Variants in MACROD2 observed in about 807,000 individuals in gnomAD.
MACROD2 encodes the protein mono-ADP ribosylhydrolase 2, also known as ADP-ribose glycohydrolase MACROD2.
MACROD2 carries 36 observed loss-of-function variants against 70.4 expected under a neutral mutation model. The observed-to-expected ratio is 0.51, with a 90% CI of 0.39 to 0.68. The LOEUF (loss-of-function observed/expected upper bound fraction) is 0.68, where lower values mean the gene tolerates loss of function less well. Ranked by LOEUF, MACROD2 falls within the 30% of genes least tolerant of loss-of-function variation. The pLI is 0.00. For missense variants in MACROD2, 496 were observed against 538.4 expected, an observed-to-expected ratio of 0.92 and a Z score of 0.78; for synonymous variants, 172 against 178.8, an observed-to-expected ratio of 0.96 and a Z score of 0.30.
intron 5 of MACROD2, among the ~76,000 whole-genome samples, chr20:14,945,977 G>C (rs1443212220): frequency 6.6e-6 from 1 of 152,242 alleles, no homozygotes; most frequent in South Asian, 2.1e-4. Flanking sequence ...GGAGGCCGAG[G>C]TGGGTGGATC....
At chr20:13,999,521 A>G (rs143878181) in intron 1 of MACROD2, among the ~76,000 whole-genome samples, 234 of 152,326 alleles carry the variant, frequency 1.5e-3, no homozygotes, top group Non-Finnish European at 2.9e-3. Flanking sequence ...GAGGTAGGAA[A>G]CTATATGAGG....
At chr20:15,338,630 C>T (rs564747176) in intron 6 of MACROD2, among the ~76,000 whole-genome samples, 44 of 151,738 alleles carry the variant, frequency 2.9e-4, no homozygotes, top group South Asian at 1.0e-3. Flanking sequence ...ATCTGAATAA[C>T]TCCATAAAGT....
chr20:15,591,002 A>T (rs2048672083), intron 8 of MACROD2, among the ~76,000 whole-genome samples: 1 of 152,106 alleles, frequency 6.6e-6, no homozygotes, highest in East Asian at 1.9e-4. Context: ...AGAGAGACAG[A>T]GAGAGAAAAA....
chr20:15,761,620 C>G (rs1258201292), intron 8 of MACROD2, among the ~76,000 whole-genome samples: 2 of 152,126 alleles, frequency 1.3e-5, no homozygotes, highest in African/African-American at 4.8e-5. Flanking sequence ...AAGCATGTCA[C>G]TGAACATGAA....
At chr20:14,874,703 T>G (rs970925665) in intron 5 of MACROD2, among the ~76,000 whole-genome samples, 1 of 150,992 alleles carries the variant, frequency 6.6e-6, no homozygotes, top group Non-Finnish European at 1.5e-5. Flanking sequence ...ATTTATTTAT[T>G]TATTTATTTA....
At chr20:15,947,589 A>G (rs1161902768) in intron 12 of MACROD2, among the ~76,000 whole-genome samples, 1 of 152,168 alleles carries the variant, frequency 6.6e-6, no homozygotes, top group Non-Finnish European at 1.5e-5. Context: ...GTACAGGTCA[A>G]AATGGAGTTT....
intron 5 of MACROD2, among the ~76,000 whole-genome samples, chr20:15,078,227 G>A (rs1350124819): frequency 6.6e-6 from 1 of 152,030 alleles, no homozygotes; most frequent in East Asian, 1.9e-4. Flanking sequence ...CGGCCAAAGA[G>A]CCCTGGAAGA....
chr20:15,704,829 G>A (rs2050510116), intron 8 of MACROD2, among the ~76,000 whole-genome samples: 2 of 152,204 alleles, frequency 1.3e-5, no homozygotes, highest in Admixed American at 6.5e-5. Context: ...TTGAAGTCAC[G>A]AATCACTCAA....
chr20:15,518,877 G>A (rs1056824848), intron 8 of MACROD2, among the ~76,000 whole-genome samples: 31 of 152,152 alleles, frequency 2.0e-4, no homozygotes, highest in Admixed American at 2.0e-3. Flanking sequence ...TTTCCAGTCT[G>A]TGGCTAATTA....
intron 3 of MACROD2, among the ~76,000 whole-genome samples, chr20:14,171,357 AT>A (rs1319716316): frequency 1.3e-5 from 2 of 151,854 alleles, no homozygotes; most frequent in Non-Finnish European, 2.9e-5. Flanking sequence ...CTGCTCTGAT[AT>A]TTGTTATTTC....
At chr20:15,412,276 A>T (rs1215504324) in intron 6 of MACROD2, among the ~76,000 whole-genome samples, 2 of 152,182 alleles carry the variant, frequency 1.3e-5, no homozygotes, top group Non-Finnish European at 2.9e-5. Flanking sequence ...AATTTTGCAT[A>T]TGCATTATTA....
intron 5 of MACROD2, among the ~76,000 whole-genome samples, chr20:14,933,541 G>A (rs1399524780): frequency 6.6e-6 from 1 of 151,788 alleles, no homozygotes; most frequent in Non-Finnish European, 1.5e-5. Flanking sequence ...GAGATGGGAA[G>A]ATCGCTTGAG....
intron 5 of MACROD2, among the ~76,000 whole-genome samples, chr20:14,875,277 A>G (rs1432859970): frequency 6.6e-6 from 1 of 151,932 alleles, no homozygotes; most frequent in African/African-American, 2.4e-5. Context: ...ACTACTTGGG[A>G]GGCTGTGGCA....
chr20:14,935,173 C>G (rs1039433152), intron 5 of MACROD2: 1 of 151,918 alleles, frequency 6.6e-6, no homozygotes, highest in Admixed American at 6.6e-5. Flanking sequence ...TCCTTCAGAA[C>G]AAGTGTTTCT....
intron 5 of MACROD2, among the ~76,000 whole-genome samples, chr20:15,018,222 A>C (rs1215416115): frequency 1.3e-5 from 2 of 152,178 alleles, no homozygotes; most frequent in South Asian, 2.1e-4. Context: ...ACCTTAAATT[A>C]TCTCTCAAGT....
At chr20:15,740,043 A>AG (rs1469050852) in intron 8 of MACROD2, among the ~76,000 whole-genome samples, 1 of 152,236 alleles carries the variant, frequency 6.6e-6, no homozygotes, top group African/African-American at 2.4e-5. Context: ...TGTCTACTTC[A>AG]GGTCACATTC....
At chr20:14,985,007 G>T (rs1244886503) in intron 5 of MACROD2, among the ~76,000 whole-genome samples, 1 of 152,170 alleles carries the variant, frequency 6.6e-6, no homozygotes, top group East Asian at 1.9e-4. Context: ...TGAGAAAACA[G>T]TGTGACCTTA....
rs981727204 is a variant in MACROD2 at position 14,059,314 on chromosome 20, T to G, written c.164-26307T>G. Among the ~76,000 whole-genome samples the G allele has an allele frequency of 1.4e-4, 22 of 152,346 alleles. No individual in the cohort carries two copies. The Middle Eastern group carries it at 0.017, about 118-fold the overall frequency. On this transcript the variant is annotated intron_variant, in intron 2 of 17. Transcript: ENST00000684519. ...TGCTTTTTTGTAAACATATTTACAA[T>G]CATTATTCACTCAAAAATTTATTGA...
chr20:14,083,221 C>G (rs1053791234), intron 2 of MACROD2, among the ~76,000 whole-genome samples: 6 of 150,844 alleles, frequency 4.0e-5, no homozygotes, highest in African/African-American at 1.5e-4. Flanking sequence ...CACCTGAGGT[C>G]AGGAGTTCAA....
Sources: allele counts gnomAD v4.1 joint callset (sites outside exome capture counted in the v4.1 genomes callset), GRCh38; gene constraint gnomAD v4.1.1; transcripts MANE v1.5; gene names NCBI Gene and HGNC (gene_info 2026-07-23, HGNC 2026-07-21).